Variants in DEPDC5 observed in about 807,000 individuals in gnomAD.
The protein encoded by DEPDC5 is DEP domain containing 5, GATOR1 subcomplex subunit.
DEPDC5 carries 73 observed loss-of-function variants against 217.3 expected under a neutral mutation model. That is an observed-to-expected ratio of 0.34 (90% CI 0.28 to 0.41). The LOEUF (loss-of-function observed/expected upper bound fraction) is 0.41. DEPDC5 is among the 10% of genes least tolerant of loss of function. The pLI, the probability that DEPDC5 is intolerant of heterozygous loss-of-function variation, is 1.00. For synonymous variants in DEPDC5, 733 were observed against 756.7 expected (o/e 0.97, Z 0.51); for missense variants, 1,675 against 2,070.1 (o/e 0.81, Z 3.70).
intron 31 of DEPDC5, among the ~76,000 whole-genome samples, chr22:31,851,828 G>A (rs2092043949): frequency 6.6e-6 from 1 of 152,230 alleles, no homozygotes; most frequent in African/African-American, 2.4e-5. Flanking sequence ...GAAAGACAGT[G>A]TGGGAATTTG....
At chr22:31,887,848 A>C (rs1313066118) in intron 38 of DEPDC5, among the ~76,000 whole-genome samples, 1 of 151,994 alleles carries the variant, frequency 6.6e-6, no homozygotes. Context: ...TGTGTCATTT[A>C]CTCAAGTGGG....
intron 39 of DEPDC5, among the ~76,000 whole-genome samples, chr22:31,895,982 C>T (rs941860329): frequency 3.3e-5 from 5 of 151,574 alleles, no homozygotes; most frequent in Admixed American, 6.6e-5. Flanking sequence ...ACCCAGTAGG[C>T]ATAAGCACTC....
At position 31,906,168 on chromosome 22, in the gene DEPDC5, T is replaced by TG; in HGVS notation, c.4520-35dup. The TG allele has an allele frequency of 6.2e-7, 1 of 1,612,830 alleles. No homozygotes were observed. The highest frequency in any genetic ancestry group is 8.5e-7 in the Non-Finnish European group (1 of 1,179,142). On this transcript the variant is annotated intron_variant, in intron 42 of 42. Coordinates refer to ENST00000651528, the MANE Select transcript of DEPDC5 (RefSeq NM_001242896.3). This position sits in a 1 kb window ranked among gnomAD's most constrained non-coding sequence, Gnocchi z 5.1. ...CCTCAGCAGGCTCCAGGAGCCCTCC[T>TG]GGTGGCTGCCACACAGGCGCTCCCC...
chr22:31,793,333 C>T (rs2148519382), intron 12 of DEPDC5, among the ~76,000 whole-genome samples: 1 of 152,150 alleles, frequency 6.6e-6, no homozygotes, highest in African/African-American at 2.4e-5. Flanking sequence ...TTTAGACCTT[C>T]TAAATGTTTT....
chr22:31,774,071 C>CA (rs923421655), intron 7 of DEPDC5, among the ~76,000 whole-genome samples: 2 of 151,618 alleles, frequency 1.3e-5, no homozygotes, highest in East Asian at 1.9e-4. Context: ...AACCCTGTCT[C>CA]AAAAAAACAA....
intron 4 of DEPDC5, among the ~76,000 whole-genome samples, chr22:31,761,034 T>G (rs1471549143): frequency 1.3e-5 from 2 of 151,496 alleles, no homozygotes; most frequent in Non-Finnish European, 2.9e-5. Flanking sequence ...CAGGTTGGAG[T>G]GCAGTGGCGC....
At chr22:31,851,066 CAAAAAAAAA>C (rs136861) in intron 31 of DEPDC5, among the ~76,000 whole-genome samples, 1 of 115,260 alleles carries the variant, frequency 8.7e-6, no homozygotes, top group South Asian at 2.9e-4. Flanking sequence ...GACTCCGTCT[CAAAAAAAAA>C]AAAAAAAAAA....
intron 33 of DEPDC5, among the ~76,000 whole-genome samples, chr22:31,862,646 TG>T (rs1352089760): frequency 1.3e-5 from 2 of 152,198 alleles, no homozygotes; most frequent in Non-Finnish European, 2.9e-5. Context: ...ATATAGCTAG[TG>T]AGTGACTGAG....
intron 6 of DEPDC5, 77 bp downstream of exon 6, chr22:31,766,745 T>C (rs2082852314): frequency 1.5e-6 from 2 of 1,335,272 alleles, no homozygotes; most frequent in East Asian, 4.6e-5. Context: ...GGGAGAAGAA[T>C]ATAAAATCGT....
chr22:31,820,273 G>A (rs1402964062), intron 22 of DEPDC5, among the ~76,000 whole-genome samples: 1 of 152,068 alleles, frequency 6.6e-6, no homozygotes, highest in Non-Finnish European at 1.5e-5. Flanking sequence ...CACCACACCT[G>A]GCTAATTTTT....
At chr22:31,881,808 T>G (rs1205712474) in intron 38 of DEPDC5, among the ~76,000 whole-genome samples, 1 of 151,498 alleles carries the variant, frequency 6.6e-6, no homozygotes, top group Non-Finnish European at 1.5e-5. Context: ...TACCTGGGTG[T>G]GGTGGCGGGT....
At chr22:31,790,755 T>C (rs2085531526) in intron 10 of DEPDC5, among the ~76,000 whole-genome samples, 1 of 148,292 alleles carries the variant, frequency 6.7e-6, no homozygotes, top group Admixed American at 6.7e-5. Flanking sequence ...TTCTTTTTTT[T>C]TTTTTTTTTG....
chr22:31,783,708 CT>C (rs1288169539), intron 8 of DEPDC5, among the ~76,000 whole-genome samples, 198 bp from the exon 9 acceptor site: 12 of 152,014 alleles, frequency 7.9e-5, no homozygotes, highest in Admixed American at 6.6e-5. Context: ...TTGCAAGATT[CT>C]TTTATCATTG....
At chr22:31,822,285 C>G (rs117430187) in intron 23 of DEPDC5, among the ~76,000 whole-genome samples, 164 of 152,282 alleles carry the variant, frequency 1.1e-3, no homozygotes, top group Non-Finnish European at 1.8e-3. Flanking sequence ...TTTCAGTCAC[C>G]TTGACACCCT....
chr22:31,806,196 G>T lies in DEPDC5; in HGVS notation c.1287+5G>T, dbSNP rs1287097683. 1 of 1,613,150 alleles carries T rather than the reference G, an allele frequency of 6.2e-7. No individual in the cohort carries two copies. The highest frequency in any genetic ancestry group is 8.5e-7 in the Non-Finnish European group (1 of 1,179,356). The stretch of plus-strand genomic sequence containing the variant: ...ATAAAACTGGCAGGAAAGAAGGTAG[G>T]TTTTTATTTTTGTTAAGACGGGGTC... On this transcript the variant is annotated splice_donor_5th_base_variant and intron_variant, in intron 18 of 42. Transcript: ENST00000651528.
At chr22:31,899,328 A>T (rs1555935276) in intron 40 of DEPDC5, among the ~76,000 whole-genome samples, 1 of 152,110 alleles carries the variant, frequency 6.6e-6, no homozygotes, top group Non-Finnish European at 1.5e-5. Context: ...AAAATCTGAC[A>T]AGAGTGTGCT....
Position 31,758,631 on chromosome 22 carries a change from C to T in DEPDC5, c.144C>T (p.Tyr48=). 6.2e-7 allele frequency: 1 copy of T among 1,613,684 alleles called. No homozygotes were observed. ...IVEIAHPNDE[Y]SPLLLQVKSL... is the part of the protein sequence containing the mutation. ...AGATTGCACACCCCAACGATGAATA[C>T]AGGTGAGTGTCTCATAGGATCCATG... The change falls in exon 3 of 43, where the codon TAC becomes TAT. Residue 48 remains tyrosine (Y), a splice_region_variant and synonymous_variant. Transcript: ENST00000651528.
At chr22:31,838,543 G>A in intron 26 of DEPDC5, 142 bp from the exon 27 acceptor site, 1 of 1,108,826 alleles carries the variant, frequency 9.0e-7, no homozygotes, top group Non-Finnish European at 1.3e-6. Context: ...GAGCCACCAT[G>A]CCCAGCTCAA....
chr22:31,803,010 C>T (rs566401548), intron 15 of DEPDC5, among the ~76,000 whole-genome samples, 172 bp downstream of exon 15: 1 of 152,238 alleles, frequency 6.6e-6, no homozygotes, highest in East Asian at 1.9e-4. Context: ...ATGGTCAAAT[C>T]AGTTTGGGAA....
Sources: gnomAD v4.1 joint callset for allele counts (sites outside exome capture counted in the v4.1 genomes callset) on GRCh38, gnomAD v4.1.1 for gene constraint, Gnocchi (gnomAD v3.1) non-coding constraint, MANE v1.5 for transcripts, NCBI Gene and HGNC (gene_info 2026-07-23, HGNC 2026-07-21) for gene names.